The following HMGB1 variants were observed in gnomAD, a reference collection of about 807,000 sequenced individuals.
The protein encoded by HMGB1 is high mobility group protein B1.
For synonymous variants in HMGB1, 81 were observed against 84.0 expected, an observed-to-expected ratio of 0.96 and a Z score of 0.19; for missense variants, 79 against 253.5, an observed-to-expected ratio of 0.31 and a Z score of 4.67.
At chr13:30,464,020 C>A (rs996748566) in intron 1 of HMGB1, 6 of 796,904 alleles carry the variant, frequency 7.5e-6, no homozygotes, top group Non-Finnish European at 9.2e-6. Flanking sequence ...ATTTTAAAAT[C>A]TAGAACACCA....
rs180997210 is a variant in HMGB1 at position 30,520,775 on chromosome 13, A to T, written c.-14-57081T>A. Among the ~76,000 whole-genome samples, 79 of 152,342 alleles carry T rather than the reference A, an allele frequency of 5.2e-4. 2 individuals carry two copies. The highest frequency in any genetic ancestry group is 1.4e-3 in the Admixed American group (21 of 15,300). Reference sequence around the variant, plus strand: ...GTGCCACCAAGGGCACTGGTGATGCAGCATTTCTTAAGAGAATCCAACAGT... The same window carrying T: ...GTGCCACCAAGGGCACTGGTGATGCTGCATTTCTTAAGAGAATCCAACAGT... On this transcript the variant is annotated intron_variant, in intron 1 of 4. Transcript: ENST00000405805.
chr13:30,521,841 A>G (rs2137475287), intron 1 of HMGB1, among the ~76,000 whole-genome samples: 1 of 152,346 alleles, frequency 6.6e-6, no homozygotes, highest in South Asian at 2.1e-4. Flanking sequence ...CCAGCAGTAT[A>G]TGAGGGTTTC....
intron 1 of HMGB1, among the ~76,000 whole-genome samples, chr13:30,565,066 T>C (rs911358468): frequency 4.6e-5 from 7 of 152,242 alleles, no homozygotes; most frequent in African/African-American, 1.7e-4. Flanking sequence ...AACCCCGTTT[T>C]AGAGATGAGA....
chr13:30,461,500 C>T lies in HMGB1; in HGVS notation c.505G>A (p.Asp169Asn). The T allele has an allele frequency of 1.3e-6, 2 of 1,567,978 alleles. No homozygotes were observed. The highest frequency in any genetic ancestry group is 1.7e-6 in the Non-Finnish European group (2 of 1,155,064). The change falls in exon 5 of 5, where the codon GAT becomes AAT. Residue 169 changes from aspartate to asparagine, a missense_variant. By Grantham distance (23) the Asp-to-Asn change is conservative (BLOSUM62 1). Transcript: ENST00000341423. ...TTGACAACTCCCTTTTTTGCTGCAT[C>T]AGGCTTTCCTTTAGCTCGATATGCA... ...IAAYRAKGKP[D>N]AAKKGVVKAE...
intron 1 of HMGB1, among the ~76,000 whole-genome samples, chr13:30,536,364 G>A (rs1868433853): frequency 6.6e-6 from 1 of 151,988 alleles, no homozygotes. Context: ...TTCCCAATAT[G>A]TATATTTTTA....
chr13:30,476,770 G>T (rs1009348043), intron 1 of HMGB1, among the ~76,000 whole-genome samples: 1 of 151,208 alleles, frequency 6.6e-6, no homozygotes, highest in African/African-American at 2.4e-5. Flanking sequence ...GGAGGTTGAG[G>T]CACGAGAATC....
At chr13:30,493,500 T>G (rs188776212) in intron 1 of HMGB1, among the ~76,000 whole-genome samples, 25 of 152,238 alleles carry the variant, frequency 1.6e-4, no homozygotes, top group African/African-American at 5.8e-4. Flanking sequence ...TTCACAGATG[T>G]GTGCATTGAA....
intron 1 of HMGB1, among the ~76,000 whole-genome samples, chr13:30,531,834 T>C (rs957682541): frequency 6.1e-5 from 9 of 147,006 alleles, no homozygotes; most frequent in African/African-American, 2.3e-4. Context: ...GAGGTGTAGG[T>C]TGCAGTGAGC....
intron 1 of HMGB1, chr13:30,540,525 C>A (rs1172233305): frequency 6.1e-6 from 1 of 164,926 alleles, no homozygotes; most frequent in Non-Finnish European, 1.3e-5. Context: ...CCACACTCTA[C>A]GTCTAAGAGG....
intron 1 of HMGB1, among the ~76,000 whole-genome samples, chr13:30,587,622 C>T (rs150358191): frequency 1.3e-5 from 2 of 152,296 alleles, no homozygotes; most frequent in African/African-American, 4.8e-5. Flanking sequence ...CTTTGAGGTA[C>T]AGGTATGTCT....
intron 1 of HMGB1, among the ~76,000 whole-genome samples, chr13:30,562,185 T>TG (rs1235987869): frequency 4.6e-5 from 7 of 151,468 alleles, no homozygotes; most frequent in African/African-American, 1.7e-4. Flanking sequence ...TAATCCCAGC[T>TG]ACTAGGGAGG....
intron 1 of HMGB1, among the ~76,000 whole-genome samples, chr13:30,569,128 T>C (rs950965459): frequency 4.6e-5 from 7 of 151,836 alleles, no homozygotes; most frequent in African/African-American, 1.2e-4. Flanking sequence ...TGAATGCCAC[T>C]GCACTCCAGC....
At chr13:30,524,075 A>C (rs1888299130) in intron 1 of HMGB1, among the ~76,000 whole-genome samples, 1 of 152,074 alleles carries the variant, frequency 6.6e-6, no homozygotes, top group African/African-American at 2.4e-5. Context: ...ATTCTCAGCA[A>C]ACTAACACAG....
chr13:30,517,286 G>A (rs1358777995), intron 1 of HMGB1, among the ~76,000 whole-genome samples: 1 of 152,244 alleles, frequency 6.6e-6, no homozygotes, highest in Non-Finnish European at 1.5e-5. Context: ...TGTCCAGGAA[G>A]CCTATTTTGA....
rs1299656411 is a variant in HMGB1 at position 30,465,916 on chromosome 13, C to T, written c.-135G>A. ...GCGGGAGCCAGACGCAGCCTCCTCA[C>T]TCTCTCCGCTCTGTAACATTACTCT... is the stretch of plus-strand genomic sequence containing the variant. On this transcript the variant is annotated 5_prime_UTR_variant, in exon 1 of 5. In the 5' UTR this introduces an upstream ATG that the reference lacks. Transcript: ENST00000341423. 5.1e-6 allele frequency: 5 copies of T among 986,030 alleles called. No homozygotes were observed. Among genetic ancestry groups the T allele is most frequent in the Non-Finnish European group, 6.0e-6 (5 of 830,044 alleles). 61.1% of individuals were successfully genotyped at this position (986,030 alleles called of 1,614,324 possible). A position where few individuals can be genotyped will look rare whatever the true frequency, so the allele number is the denominator to read the frequency against.
Position 30,460,249 on chromosome 13 carries a change from T to C in HMGB1, c.*1108A>G, listed in dbSNP as rs1293285159. The C allele has an allele frequency of 6.6e-6, 1 of 151,878 alleles. No homozygotes were observed. The highest frequency in any genetic ancestry group is 1.5e-5 in the Non-Finnish European group (1 of 67,926). The allele number at this position is 151,878 out of a possible 1,614,324, so 9.4% of individuals were successfully genotyped here. A position where few individuals can be genotyped will look rare whatever the true frequency, so the allele number is the denominator to read the frequency against. ...GTAATATAGGAAAATATACCCTATT[T>C]TGAATGTGGCATCTTTGTTTGAAAA... On this transcript the variant is annotated 3_prime_UTR_variant, in exon 5 of 5. Coordinates refer to ENST00000341423, the MANE Select transcript of HMGB1 (RefSeq NM_002128.7).
chr13:30,465,098 C>T, intron 1 of HMGB1: 1 of 940,962 alleles, frequency 1.1e-6, no homozygotes, highest in Non-Finnish European at 1.3e-6. Flanking sequence ...CCCAGCTCCC[C>T]CGCCCGCCCG....
chr13:30,603,804 C>T (rs1051735393), intron 1 of HMGB1, among the ~76,000 whole-genome samples: 1 of 152,126 alleles, frequency 6.6e-6, no homozygotes, highest in African/African-American at 2.4e-5. Flanking sequence ...TTTATAATAC[C>T]TCATACGATG....
intron 1 of HMGB1, among the ~76,000 whole-genome samples, chr13:30,509,461 C>T (rs1275697392): frequency 6.6e-5 from 10 of 152,058 alleles, no homozygotes; most frequent in African/African-American, 2.2e-4. Context: ...TGGTCTTAAA[C>T]TCCTGACCTC....
Sources: allele counts gnomAD v4.1 joint callset (sites outside exome capture counted in the v4.1 genomes callset), GRCh38; gene constraint gnomAD v4.1.1; transcripts MANE v1.5; gene names NCBI Gene and HGNC (gene_info 2026-07-23, HGNC 2026-07-21).